CA8: variants seen among roughly 807,000 people sequenced by gnomAD.
The protein encoded by CA8 is carbonic anhydrase 8 (inactive), also known as carbonic anhydrase-related protein.
A neutral mutation model predicts 41.4 loss-of-function variants in CA8; 22 were observed. That is an observed-to-expected ratio of 0.53 (90% CI 0.38 to 0.76). CA8 has a LOEUF of 0.76. Ranked by LOEUF, CA8 falls within the 30% of genes least tolerant of loss-of-function variation. The probability of loss-of-function intolerance (pLI) is 0.00; values close to 1 mark genes in which losing one functional copy is unlikely to be tolerated. For synonymous variants in CA8, 121 were observed against 130.6 expected, an observed-to-expected ratio of 0.93 and a Z score of 0.50; for missense variants, 270 against 352.8, an observed-to-expected ratio of 0.77 and a Z score of 1.88.
intron 2 of CA8, among the ~76,000 whole-genome samples, chr8:60,276,620 G>T (rs1370800451): frequency 1.3e-5 from 2 of 151,956 alleles, no homozygotes. Flanking sequence ...AGACTCCAGG[G>T]GAATGAGGCA....
Position 60,188,985 on chromosome 8 carries a change from CAATAAT to C in CA8, c.*1030_*1035del, listed in dbSNP as rs1296708608. ...CATTTTACAATTATAACAACAATAACAATAATATTTATTGTTTGCTTTGTGCCAGGT... is the reference window on the plus strand; with the variant it reads ...CATTTTACAATTATAACAACAATAACATTTATTGTTTGCTTTGTGCCAGGT... On this transcript the variant is annotated 3_prime_UTR_variant, in exon 9 of 9. Coordinates refer to ENST00000317995, the MANE Select transcript of CA8 (RefSeq NM_004056.6). The C allele has an allele frequency of 1.3e-5, 2 of 152,046 alleles. No individual in the cohort carries two copies. The highest frequency in any genetic ancestry group is 2.9e-5 in the Non-Finnish European group (2 of 68,000). The allele number at this position is 152,046 out of a possible 1,614,324, so 9.4% of individuals were successfully genotyped here.
chr8:60,251,128 A>C (rs1239619522), intron 3 of CA8, among the ~76,000 whole-genome samples: 1 of 152,246 alleles, frequency 6.6e-6, no homozygotes, highest in Non-Finnish European at 1.5e-5. Flanking sequence ...CTCACAGATT[A>C]TCTGGCATTT....
At chr8:60,257,356 T>A (rs1348414962) in intron 3 of CA8, among the ~76,000 whole-genome samples, 2 of 152,174 alleles carry the variant, frequency 1.3e-5, no homozygotes, top group Admixed American at 1.3e-4. Flanking sequence ...CCTTTGATGT[T>A]CCCCATCTCC....
chr8:60,266,993 C>A (rs1271659087), intron 2 of CA8, among the ~76,000 whole-genome samples: 1 of 152,190 alleles, frequency 6.6e-6, no homozygotes, highest in Non-Finnish European at 1.5e-5. Flanking sequence ...TAGAAGCAGA[C>A]TTTTTGAAAC....
chr8:60,201,919 T>C (rs1192600549), intron 8 of CA8, among the ~76,000 whole-genome samples: 2 of 142,926 alleles, frequency 1.4e-5, no homozygotes, highest in Non-Finnish European at 3.0e-5. Flanking sequence ...AATTGACCAA[T>C]ATAACAAAAT....
intron 3 of CA8, among the ~76,000 whole-genome samples, chr8:60,249,729 T>C (rs1400187382): frequency 6.6e-6 from 1 of 152,208 alleles, no homozygotes; most frequent in African/African-American, 2.4e-5. Flanking sequence ...ACATGAAGAA[T>C]ATAAACCAAC....
intron 7 of CA8, among the ~76,000 whole-genome samples, chr8:60,220,592 G>C (rs1807209665): frequency 2.0e-5 from 3 of 152,094 alleles, no homozygotes; most frequent in African/African-American, 4.8e-5. Flanking sequence ...CAAGACCCCT[G>C]GTCCTTAGTT....
intron 3 of CA8, among the ~76,000 whole-genome samples, chr8:60,243,430 TA>T (rs200587653): frequency 0.13 from 18,622 of 141,196 alleles, 1,367 homozygotes; most frequent in South Asian, 0.23. Context: ...TTCTCCTCTT[TA>T]AAAAAAAAAA....
At chr8:60,216,382 G>A (rs895718157) in intron 7 of CA8, among the ~76,000 whole-genome samples, 24 of 152,182 alleles carry the variant, frequency 1.6e-4, no homozygotes, top group African/African-American at 5.8e-4. Flanking sequence ...TAACTCTGCT[G>A]CCCTCTGAAC....
At chr8:60,194,435 C>G (rs559565926) in intron 8 of CA8, among the ~76,000 whole-genome samples, 72 of 152,266 alleles carry the variant, frequency 4.7e-4, no homozygotes, top group African/African-American at 1.7e-3. Flanking sequence ...CCAGAAGATA[C>G]TTCCAGCTTC....
At chr8:60,257,437 T>C (rs989169569) in intron 3 of CA8, among the ~76,000 whole-genome samples, 4 of 152,204 alleles carry the variant, frequency 2.6e-5, no homozygotes, top group Non-Finnish European at 5.9e-5. Context: ...CCCTTTTTCA[T>C]AGATAAGTTT....
At chr8:60,267,856 G>A (rs374822678) in intron 2 of CA8, among the ~76,000 whole-genome samples, 2 of 152,188 alleles carry the variant, frequency 1.3e-5, no homozygotes, top group Non-Finnish European at 2.9e-5. Flanking sequence ...AGAAAGGTTT[G>A]TAGATATTCA....
At chr8:60,221,510 C>G (rs1241072498) in intron 7 of CA8, among the ~76,000 whole-genome samples, 1 of 152,176 alleles carries the variant, frequency 6.6e-6, no homozygotes, top group African/African-American at 2.4e-5. Flanking sequence ...TACCCCTGTT[C>G]AGTGTGATGA....
At chr8:60,273,496 A>G (rs1048522051) in intron 2 of CA8, among the ~76,000 whole-genome samples, 1 of 152,188 alleles carries the variant, frequency 6.6e-6, no homozygotes, top group African/African-American at 2.4e-5. Context: ...TTGCTCTCTT[A>G]TGGGGAAAAA....
chr8:60,270,052 A>G (rs1312596621), intron 2 of CA8, among the ~76,000 whole-genome samples: 1 of 152,208 alleles, frequency 6.6e-6, no homozygotes, highest in African/African-American at 2.4e-5. Context: ...AGGAGAATAA[A>G]ATCAAAAGTT....
At chr8:60,214,572 A>T (rs1295034219) in intron 7 of CA8, among the ~76,000 whole-genome samples, 1 of 152,208 alleles carries the variant, frequency 6.6e-6, no homozygotes, top group Non-Finnish European at 1.5e-5. Flanking sequence ...CTTTAGGGAA[A>T]CAGCCCCTTC....
chr8:60,255,439 TCTC>T (rs1808601500), intron 3 of CA8, among the ~76,000 whole-genome samples: 1 of 152,298 alleles, frequency 6.6e-6, no homozygotes, highest in East Asian at 1.9e-4. Context: ...CTTTATTGGA[TCTC>T]CTCTGAGAAC....
intron 3 of CA8, among the ~76,000 whole-genome samples, chr8:60,242,130 T>A (rs922540198): frequency 1.3e-5 from 2 of 152,124 alleles, no homozygotes; most frequent in Admixed American, 6.5e-5. Flanking sequence ...AAATAAGAAA[T>A]TTATAGCCCA....
intron 3 of CA8, among the ~76,000 whole-genome samples, chr8:60,258,092 C>G (rs1383920715): frequency 6.6e-6 from 1 of 152,224 alleles, no homozygotes; most frequent in African/African-American, 2.4e-5. Flanking sequence ...AATCCTTCCT[C>G]TCTCCAGCGT....
Sources: allele counts gnomAD v4.1 joint callset (sites outside exome capture counted in the v4.1 genomes callset), GRCh38; gene constraint gnomAD v4.1.1; transcripts MANE v1.5; gene names NCBI Gene and HGNC (gene_info 2026-07-23, HGNC 2026-07-21).